The following NDUFAF6 variants were observed in gnomAD, a reference collection of about 807,000 sequenced individuals.
The protein encoded by NDUFAF6 is NADH dehydrogenase (ubiquinone) complex I, assembly factor 6.
A neutral mutation model predicts 40.8 loss-of-function variants in NDUFAF6; 45 were observed. The ratio of observed to expected loss-of-function variants is 1.10; its 90% CI spans 0.87 to 1.42. The LOEUF (loss-of-function observed/expected upper bound fraction) is 1.42. NDUFAF6 is among the 40% of genes most tolerant of loss of function. NDUFAF6 has a pLI of 0.00. For synonymous variants in NDUFAF6, 185 were observed against 155.9 expected (o/e 1.19, Z -1.39); for missense variants, 435 against 418.5 (o/e 1.04, Z -0.34).
intron 1 of NDUFAF6, among the ~76,000 whole-genome samples, chr8:95,031,793 G>T (rs1482081313): frequency 6.6e-6 from 1 of 152,164 alleles, no homozygotes; most frequent in African/African-American, 2.4e-5. Flanking sequence ...TAGAGACGAG[G>T]TTTCACCATG....
At chr8:95,059,791 G>A (rs1273406880), downstream of NDUFAF6, among the ~76,000 whole-genome samples, 2 of 152,134 alleles carry the variant, frequency 1.3e-5, no homozygotes, top group Non-Finnish European at 1.5e-5. Context: ...AGAGGTTGCA[G>A]TGAGCTGAGA....
intron 5 of NDUFAF6, 21 bp from the exon 6 acceptor site, chr8:95,046,973 G>A (rs760246467): frequency 3.7e-6 from 6 of 1,613,650 alleles, no homozygotes. Flanking sequence ...GAGCAGCCCT[G>A]TGTAATTTCT....
At chr8:94,971,072 A>C (rs1229167438) in intron 1 of NDUFAF6, among the ~76,000 whole-genome samples, 1 of 152,242 alleles carries the variant, frequency 6.6e-6, no homozygotes, top group Non-Finnish European at 1.5e-5. Context: ...CTATGATCCG[A>C]AAAACTATTC....
At chr8:94,954,841 C>T (rs1822939161), upstream of NDUFAF6, among the ~76,000 whole-genome samples, 2 of 152,184 alleles carry the variant, frequency 1.3e-5, no homozygotes, top group Admixed American at 6.5e-5. Flanking sequence ...TCCAACACTT[C>T]CAGAAAGGCC....
Position 95,025,050 on chromosome 8 carries a change from G to T in NDUFAF6, c.42G>T (p.Arg14=), listed in dbSNP as rs1242884994. 2 of 1,422,018 alleles carry T rather than the reference G, an allele frequency of 1.4e-6. No homozygotes were observed. Among genetic ancestry groups the T allele is most frequent in the Non-Finnish European group, 1.8e-6 (2 of 1,100,602 alleles). 88.1% of individuals were successfully genotyped at this position (1,422,018 alleles called of 1,614,324 possible). A position where few individuals can be genotyped will look rare whatever the true frequency, so the allele number is the denominator to read the frequency against. ...ACGGCTCTGTCTGGGGGCCGTTGCG[G>T]CTTGGCATCCCCGGCCTGTGCTGCC... ...SAHGSVWGPL[R]LGIPGLCCRR... The change falls in exon 1 of 9, where the codon CGG becomes CGT. Residue 14 remains arginine (R), a synonymous_variant. Transcript: ENST00000396124.
chr8:95,009,127 G>C (rs907123497), intron 2 of NDUFAF6, among the ~76,000 whole-genome samples: 1 of 151,924 alleles, frequency 6.6e-6, no homozygotes, highest in Admixed American at 6.6e-5. Context: ...TTGTGCTCAG[G>C]GGGTTGAGGC....
At chr8:94,909,740 C>T (rs1818642445) in intron 1 of NDUFAF6, among the ~76,000 whole-genome samples, 1 of 151,442 alleles carries the variant, frequency 6.6e-6, no homozygotes, top group Non-Finnish European at 1.5e-5. Context: ...GCCTAGGCAA[C>T]ATAGTGAGAC....
At chr8:95,082,851 G>A (rs1281137778) in intron 2 of NDUFAF6, among the ~76,000 whole-genome samples, 7 of 152,076 alleles carry the variant, frequency 4.6e-5, no homozygotes, top group South Asian at 2.1e-4. Flanking sequence ...TAGTAGAGAC[G>A]GGGTTTCACC....
chr8:95,066,586 T>C (rs901863364), intron 9 of NDUFAF6, among the ~76,000 whole-genome samples: 5 of 152,152 alleles, frequency 3.3e-5, no homozygotes, highest in African/African-American at 9.7e-5. Flanking sequence ...GAAAATCAAA[T>C]TTCAGTCAAT....
upstream of NDUFAF6, among the ~76,000 whole-genome samples, chr8:95,099,035 G>A (rs1162243729): frequency 6.6e-6 from 1 of 152,176 alleles, no homozygotes; most frequent in East Asian, 1.9e-4. Flanking sequence ...GAGGTCAGGA[G>A]TTTGAGACCA....
exon 3 of NDUFAF6, chr8:95,103,289 G>C: frequency 6.6e-6 from 1 of 152,210 alleles, no homozygotes; most frequent in East Asian, 1.9e-4. Flanking sequence ...AGAAATGGCT[G>C]ATAGGCAGGC....
At chr8:94,948,032 TC>T (rs1208632482) in intron 2 of NDUFAF6, among the ~76,000 whole-genome samples, 2 of 152,176 alleles carry the variant, frequency 1.3e-5, no homozygotes, top group Non-Finnish European at 2.9e-5. Flanking sequence ...GTCACATTGT[TC>T]CCCCTTTTCC....
chr8:94,907,931 G>A (rs1400649308), intron 1 of NDUFAF6, among the ~76,000 whole-genome samples: 1 of 152,176 alleles, frequency 6.6e-6, no homozygotes, highest in East Asian at 1.9e-4. Flanking sequence ...GTTCATTGCT[G>A]AATCTCCAGT....
upstream of NDUFAF6, among the ~76,000 whole-genome samples, chr8:95,096,117 C>A (rs1045817090): frequency 1.3e-5 from 2 of 152,130 alleles, no homozygotes; most frequent in East Asian, 1.9e-4. Flanking sequence ...TGATACCTGG[C>A]CCAATTTACA....
intron 1 of NDUFAF6, among the ~76,000 whole-genome samples, chr8:95,100,754 G>A (rs1809624339): frequency 6.6e-6 from 1 of 152,118 alleles, no homozygotes. Context: ...CTAATACATT[G>A]TTTTCTATTT....
At chr8:94,903,655 A>G (rs1460548113) in intron 1 of NDUFAF6, among the ~76,000 whole-genome samples, 2 of 152,246 alleles carry the variant, frequency 1.3e-5, no homozygotes, top group African/African-American at 2.4e-5. Flanking sequence ...GGCTTCAGCT[A>G]TATCTGTAAC....
chr8:95,029,477 C>T (rs567559382), intron 1 of NDUFAF6, among the ~76,000 whole-genome samples: 18 of 152,230 alleles, frequency 1.2e-4, no homozygotes, highest in African/African-American at 3.4e-4. Context: ...GACGCTTTCC[C>T]GTAGAATCAC....
intron 1 of NDUFAF6, among the ~76,000 whole-genome samples, chr8:94,898,902 A>G (rs1239692455): frequency 6.6e-6 from 1 of 152,190 alleles, no homozygotes; most frequent in East Asian, 1.9e-4. Context: ...GGTATTTTTC[A>G]TACGTTTTTA....
Position 95,027,570 on chromosome 8 carries a change from AC to A in NDUFAF6, c.197+2368del, listed in dbSNP as rs1396484163. Among the ~76,000 whole-genome samples the A allele has an allele frequency of 1.0e-4, 13 of 126,506 alleles. No individual in the cohort carries two copies. The East Asian group carries it at 2.2e-3, about 22-fold the overall frequency. 83.0% of individuals were successfully genotyped at this position (126,506 alleles called of 152,430 possible). A position where few individuals can be genotyped will look rare whatever the true frequency, so the allele number is the denominator to read the frequency against. Reference sequence around the variant, plus strand: ...ACTCCAGCCTGGGTGACAAAATGAGACCCTGTCTCAAAAAAAAAAAAAAAAA... The same window carrying A: ...ACTCCAGCCTGGGTGACAAAATGAGACCTGTCTCAAAAAAAAAAAAAAAAA... On this transcript the variant is annotated intron_variant, in intron 1 of 8. Transcript: ENST00000396124.
Sources: gnomAD v4.1 joint callset for allele counts (sites outside exome capture counted in the v4.1 genomes callset) on GRCh38, gnomAD v4.1.1 for gene constraint, MANE v1.5 for transcripts, NCBI Gene and HGNC (gene_info 2026-07-23, HGNC 2026-07-21) for gene names.